The following HECW1 variants were observed in gnomAD, a reference collection of about 807,000 sequenced individuals.
The protein encoded by HECW1 is HECT, C2 and WW domain containing E3 ubiquitin protein ligase 1, also known as E3 ubiquitin-protein ligase HECW1.
HECW1 carries 61 observed loss-of-function variants against 182.3 expected under a neutral mutation model. That is an observed-to-expected ratio of 0.33 (90% CI 0.27 to 0.41). HECW1 has a LOEUF of 0.41. Ranked by LOEUF, HECW1 falls within the 10% of genes least tolerant of loss-of-function variation. The pLI, the probability that HECW1 is intolerant of heterozygous loss-of-function variation, is 1.00. For synonymous variants in HECW1, 859 were observed against 832.6 expected (o/e 1.03, Z -0.55); for missense variants, 1,739 against 2,108.9 (o/e 0.82, Z 3.44).
chr7:43,212,892 C>T (rs1444594212), intron 2 of HECW1, among the ~76,000 whole-genome samples: 3 of 152,128 alleles, frequency 2.0e-5, no homozygotes, highest in Non-Finnish European at 2.9e-5. Flanking sequence ...AGAGGACTGG[C>T]TTTGCCATTT....
intron 3 of HECW1, among the ~76,000 whole-genome samples, chr7:43,298,675 C>CAAAT (rs1420104877): frequency 6.6e-6 from 1 of 152,286 alleles, no homozygotes; most frequent in East Asian, 1.9e-4. Context: ...TGGAAAAACC[C>CAAAT]AAATTACTTT....
At chr7:43,321,785 C>CT (rs1374199813) in intron 5 of HECW1, among the ~76,000 whole-genome samples, 4 of 131,968 alleles carry the variant, frequency 3.0e-5, no homozygotes, top group South Asian at 5.3e-4. Context: ...TTCATTCACT[C>CT]TTATTTTCAT....
chr7:43,552,614 G>C (rs2081878002), intron 28 of HECW1, among the ~76,000 whole-genome samples: 1 of 152,112 alleles, frequency 6.6e-6, no homozygotes, highest in Admixed American at 6.6e-5. Flanking sequence ...TCTGCCTTCT[G>C]TCTCAATGGA....
intron 15 of HECW1, among the ~76,000 whole-genome samples, chr7:43,468,703 G>A (rs1367619633): frequency 6.6e-6 from 1 of 152,008 alleles, no homozygotes; most frequent in African/African-American, 2.4e-5. Context: ...TAAATTTTTT[G>A]TAGAGACAGG....
Position 43,492,074 on chromosome 7 carries a change from G to A in HECW1, c.3235-1G>A. 1 of 1,599,034 alleles carries A rather than the reference G, an allele frequency of 6.3e-7. No individual in the cohort carries two copies. Among genetic ancestry groups the A allele is most frequent in the South Asian group, 1.1e-5 (1 of 89,402 alleles). Reference sequence around the variant, plus strand: ...TGCTTATGCTTTTATTCTAAAATTAGGCCTCAGAAGTTTCTAGAAACAGAG... The same window carrying A: ...TGCTTATGCTTTTATTCTAAAATTAAGCCTCAGAAGTTTCTAGAAACAGAG... On this transcript the variant is annotated splice_acceptor_variant, in intron 17 of 29. Coordinates refer to ENST00000395891, the MANE Select transcript of HECW1 (RefSeq NM_015052.5). LOFTEE classifies it high-confidence loss of function.
At chr7:43,263,446 C>T (rs1011667682) in intron 3 of HECW1, among the ~76,000 whole-genome samples, 1 of 152,144 alleles carries the variant, frequency 6.6e-6, no homozygotes. Flanking sequence ...CTACAACCTC[C>T]GCCTCCCAGT....
chr7:43,192,678 A>G (rs1794039475), intron 2 of HECW1, among the ~76,000 whole-genome samples: 1 of 152,240 alleles, frequency 6.6e-6, no homozygotes, highest in Non-Finnish European at 1.5e-5. Flanking sequence ...TAATGCTACC[A>G]GCTGGTGACA....
intron 6 of HECW1, among the ~76,000 whole-genome samples, chr7:43,367,007 A>C (rs1050884268): frequency 6.6e-5 from 10 of 152,334 alleles, no homozygotes; most frequent in Middle Eastern, 6.8e-3. Flanking sequence ...CTGTCTCTGC[A>C]CAAAGAGGGA....
intron 26 of HECW1, among the ~76,000 whole-genome samples, chr7:43,544,156 G>C (rs1290741826): frequency 6.6e-6 from 1 of 152,194 alleles, no homozygotes; most frequent in East Asian, 1.9e-4. Flanking sequence ...CAAAGTCATA[G>C]AAGTCATCTG....
chr7:43,290,149 G>A (rs1805213189), intron 3 of HECW1, among the ~76,000 whole-genome samples: 1 of 152,222 alleles, frequency 6.6e-6, no homozygotes, highest in South Asian at 2.1e-4. Flanking sequence ...AGGCCTGTCT[G>A]CATTCATGTA....
chr7:43,294,181 C>G (rs1805756348), intron 3 of HECW1, among the ~76,000 whole-genome samples: 2 of 152,194 alleles, frequency 1.3e-5, no homozygotes, highest in Non-Finnish European at 2.9e-5. Context: ...TTTCCAAACA[C>G]TTTGAGCTGC....
intron 14 of HECW1, among the ~76,000 whole-genome samples, chr7:43,465,741 A>T (rs2077743372): frequency 6.6e-6 from 1 of 152,052 alleles, no homozygotes; most frequent in Non-Finnish European, 1.5e-5. Context: ...ATAAGAAAAA[A>T]ATAGCCAGGC....
At chr7:43,210,749 A>G (rs368261346) in intron 2 of HECW1, among the ~76,000 whole-genome samples, 5 of 152,212 alleles carry the variant, frequency 3.3e-5, no homozygotes, top group African/African-American at 1.2e-4. Flanking sequence ...CTTTAGCCCA[A>G]TCCAGAGCAG....
At chr7:43,449,825 A>T (rs1205371635) in intron 11 of HECW1, among the ~76,000 whole-genome samples, 2 of 152,096 alleles carry the variant, frequency 1.3e-5, no homozygotes, top group East Asian at 3.9e-4. Context: ...GGCCCTTCTC[A>T]CTCTGCAAAG....
At chr7:43,447,550 G>T (rs564431739) in intron 11 of HECW1, among the ~76,000 whole-genome samples, 2 of 152,132 alleles carry the variant, frequency 1.3e-5, no homozygotes, top group African/African-American at 4.8e-5. Context: ...AAAGATTCCC[G>T]AGGGGTCTCT....
At chr7:43,212,473 T>C (rs1001141951) in intron 2 of HECW1, among the ~76,000 whole-genome samples, 1 of 152,196 alleles carries the variant, frequency 6.6e-6, no homozygotes. Flanking sequence ...AACAAGACTA[T>C]TGGAGTTATT....
At chr7:43,136,715 C>G (rs17172166) in intron 2 of HECW1, among the ~76,000 whole-genome samples, 3,160 of 152,262 alleles carry the variant, frequency 0.021, 114 homozygotes, top group African/African-American at 0.072. Context: ...CAATCCAACC[C>G]ATCCAAACTG....
At chr7:43,170,533 C>T (rs531444605) in intron 2 of HECW1, among the ~76,000 whole-genome samples, 37 of 152,210 alleles carry the variant, frequency 2.4e-4, no homozygotes, top group Non-Finnish European at 4.7e-4. Flanking sequence ...GGTTAGTCAC[C>T]GTAAGGTTAC....
intron 3 of HECW1, among the ~76,000 whole-genome samples, chr7:43,251,208 G>A (rs764604539): frequency 4.6e-5 from 7 of 152,222 alleles, no homozygotes; most frequent in Non-Finnish European, 8.8e-5. Context: ...GAAGCTGTCT[G>A]TCGAAGAATG....
Sources: gnomAD v4.1 joint callset for allele counts (sites outside exome capture counted in the v4.1 genomes callset) on GRCh38, gnomAD v4.1.1 for gene constraint, MANE v1.5 for transcripts, NCBI Gene and HGNC (gene_info 2026-07-23, HGNC 2026-07-21) for gene names.